ADAM28: variants seen among roughly 807,000 people sequenced by gnomAD.
The protein encoded by ADAM28 is ADAM metallopeptidase domain 28, also known as disintegrin and metalloproteinase domain-containing protein 28.
ADAM28 carries 105 observed loss-of-function variants against 101.2 expected under a neutral mutation model. The ratio of observed to expected loss-of-function variants is 1.04; its 90% CI spans 0.89 to 1.22. The LOEUF is 1.22. Among genes scored for constraint, ADAM28 ranks in the 50% most tolerant of loss-of-function variants. ADAM28 has a pLI of 0.00. For missense variants in ADAM28, 1,028 were observed against 945.4 expected (o/e 1.09, Z -1.15); for synonymous variants, 322 against 310.6 (o/e 1.04, Z -0.39).
chr8:24,326,434 T>C, intron 9 of ADAM28, 120 bp from the exon 10 acceptor site: 1 of 859,822 alleles, frequency 1.2e-6, no homozygotes, highest in Admixed American at 2.7e-5. Context: ...TAAAGAAAAA[T>C]ATGACAGTGA....
In ADAM28 at chr8:24,300,051, A is replaced by C; in HGVS notation, c.124A>C (p.Arg42=). The change falls in exon 2 of 23, where the codon AGA becomes CGA. Residue 42 remains arginine (R), a synonymous_variant. Coordinates refer to ENST00000265769, the MANE Select transcript of ADAM28 (RefSeq NM_014265.6). ...TATAAGACTTCATCCACTGCATAAAAGAGAGGCCAAAGAGCCAGAGCAACA... is the reference window on the plus strand; with the variant it reads ...TATAAGACTTCATCCACTGCATAAACGAGAGGCCAAAGAGCCAGAGCAACA... ...YPIRLHPLHK[R]EAKEPEQQEQ... The C allele has an allele frequency of 3.1e-6, 5 of 1,613,800 alleles. No individual in the cohort carries two copies. The highest frequency in any genetic ancestry group is 4.2e-6 in the Non-Finnish European group (5 of 1,179,992).
At chr8:24,302,546 C>T (rs1182220167) in intron 2 of ADAM28, among the ~76,000 whole-genome samples, 2 of 152,218 alleles carry the variant, frequency 1.3e-5, no homozygotes, top group Admixed American at 6.5e-5. Flanking sequence ...AACTAAATTA[C>T]GTTCCCACCA....
At chr8:24,299,632 C>T (rs1461633234) in intron 1 of ADAM28, among the ~76,000 whole-genome samples, 1 of 152,210 alleles carries the variant, frequency 6.6e-6, no homozygotes, top group African/African-American at 2.4e-5. Context: ...CTTCTATCTT[C>T]ACTTCTTTTT....
At chr8:24,306,357 T>TATATATATATATATATATATATTTTTA (rs1157755290) in intron 2 of ADAM28, among the ~76,000 whole-genome samples, 2 of 118,700 alleles carry the variant, frequency 1.7e-5, no homozygotes, top group African/African-American at 6.8e-5. Flanking sequence ...TACAAATAAA[T>TATATATATATATATATATATATTTTTA]AAATAAATAT....
chr8:24,354,132 C>T (rs912812393), intron 22 of ADAM28, among the ~76,000 whole-genome samples: 5 of 151,992 alleles, frequency 3.3e-5, no homozygotes, highest in African/African-American at 1.2e-4. Flanking sequence ...TATCCTGTAA[C>T]TCTCCTTCTG....
At chr8:24,327,702 G>A (rs1346544847) in intron 10 of ADAM28, among the ~76,000 whole-genome samples, 3 of 151,996 alleles carry the variant, frequency 2.0e-5, no homozygotes, top group African/African-American at 7.2e-5. Context: ...TAGACCAATG[G>A]AACAGAACAG....
chr8:24,313,625 C>A, intron 6 of ADAM28, 45 bp downstream of exon 6: 1 of 1,573,954 alleles, frequency 6.4e-7, no homozygotes, highest in Non-Finnish European at 8.6e-7. Context: ...TGTATTCTGC[C>A]CTGGTTTCCA....
intron 9 of ADAM28, among the ~76,000 whole-genome samples, chr8:24,324,615 C>T (rs571650673): frequency 2.6e-5 from 4 of 151,956 alleles, no homozygotes; most frequent in Non-Finnish European, 5.9e-5. Context: ...TGAACTATGT[C>T]CTGCCAGAAT....
intron 2 of ADAM28, 118 bp from the exon 3 acceptor site, chr8:24,309,776 T>C (rs2292398): frequency 0.17 from 114,580 of 692,862 alleles, 10,570 homozygotes; most frequent in East Asian, 0.34. Context: ...AAGAGGCAAG[T>C]ATTTGGTATT....
At chr8:24,351,645 A>T (rs1282224898) in intron 20 of ADAM28, 1 of 468,000 alleles carries the variant, frequency 2.1e-6, no homozygotes, top group Non-Finnish European at 3.9e-6. Flanking sequence ...GACAAAATAG[A>T]TACAAAAATA....
At chr8:24,319,860 A>T (rs1254339009) in intron 6 of ADAM28, among the ~76,000 whole-genome samples, 1 of 151,994 alleles carries the variant, frequency 6.6e-6, no homozygotes. Flanking sequence ...AGAAAACAAA[A>T]AAACAAACTG....
rs1275902940 is a variant in ADAM28 at position 24,352,057 on chromosome 8, G to A, written c.2244+5G>A. The A allele has an allele frequency of 4.3e-6, 7 of 1,613,466 alleles. No homozygotes were observed. The highest frequency in any genetic ancestry group is 5.1e-6 in the Non-Finnish European group (6 of 1,179,544). On this transcript the variant is annotated splice_donor_5th_base_variant and intron_variant, in intron 21 of 22. Transcript: ENST00000265769. ...AATGAGCCCCCAGCCTCTTTTGTGA[G>A]TTAGCAACTTCTCTTAAATACCACC...
intron 14 of ADAM28, among the ~76,000 whole-genome samples, chr8:24,336,580 CAAAAAA>C (rs769016133): frequency 9.7e-5 from 6 of 61,630 alleles, no homozygotes; most frequent in Admixed American, 3.9e-4. Context: ...ACTCCGTCTC[CAAAAAA>C]AAAAAAAAAA....
chr8:24,345,351 G>C (rs1156986852), intron 18 of ADAM28, among the ~76,000 whole-genome samples: 1 of 151,982 alleles, frequency 6.6e-6, no homozygotes, highest in Non-Finnish European at 1.5e-5. Context: ...TATCTCCACT[G>C]TGTGATCTCC....
chr8:24,299,558 A>G (rs539370258), intron 1 of ADAM28, among the ~76,000 whole-genome samples: 68 of 152,308 alleles, frequency 4.5e-4, no homozygotes, highest in Admixed American at 4.1e-3. Flanking sequence ...CTAACATTGT[A>G]TGGTTTCCAG....
chr8:24,331,314 G>T lies in ADAM28; in HGVS notation c.1268G>T (p.Cys423Phe), dbSNP rs530019867. 6.2e-6 allele frequency: 10 copies of T among 1,606,936 alleles called. No individual in the cohort carries two copies. Among genetic ancestry groups the T allele is most frequent in the Non-Finnish European group, 8.5e-6 (10 of 1,177,012 alleles). ...GTGGAAATGGGAGAGGACTGTGATT[G>T]TGGGACATCTGAGGTATGGCCAATC... ...QLVEMGEDCDCGTSEECTNIC... is the reference protein window; with the variant it reads ...QLVEMGEDCDFGTSEECTNIC... Residue 423 changes from cysteine (C) to phenylalanine (F), a missense_variant, in exon 12 of 23, where the codon TGT (cysteine) becomes TTT (phenylalanine). Cys to Phe is a radical substitution (Grantham distance 205, BLOSUM62 -2). Coordinates refer to ENST00000265769, the MANE Select transcript of ADAM28 (RefSeq NM_014265.6).
In ADAM28 at chr8:24,309,919, A is replaced by T. The variant is rs200921474; in HGVS notation, c.176A>T (p.Tyr59Phe). 13 of 1,561,384 alleles carry T rather than the reference A, an allele frequency of 8.3e-6. No individual in the cohort carries two copies. In the East Asian group the frequency reaches 2.9e-4, roughly 35 times the overall value. The change falls in exon 3 of 23, where the codon TAT (tyrosine) becomes TTT (phenylalanine). Residue 59 changes from tyrosine (Y) to phenylalanine (F), a missense_variant. Coordinates refer to ENST00000265769, the MANE Select transcript of ADAM28 (RefSeq NM_014265.6). ...QQEQFETELK[Y>F]KMTINGKIAV... ...GAACAATTTGAAACTGAATTAAAGTATAAAATGACAATTAATGGAAAAATT... is the reference window on the plus strand; with the variant it reads ...GAACAATTTGAAACTGAATTAAAGTTTAAAATGACAATTAATGGAAAAATT...
At chr8:24,314,129 A>C (rs183373118) in intron 6 of ADAM28, among the ~76,000 whole-genome samples, 1 of 152,354 alleles carries the variant, frequency 6.6e-6, no homozygotes, top group East Asian at 1.9e-4. Flanking sequence ...CTCTAGAAGC[A>C]GGAATCTGTC....
intron 6 of ADAM28, among the ~76,000 whole-genome samples, chr8:24,317,913 T>C (rs1164224095): frequency 1.3e-5 from 2 of 151,892 alleles, no homozygotes; most frequent in Non-Finnish European, 1.5e-5. Flanking sequence ...ATGAGGACTG[T>C]TAAGGACAAA....
Sources: gnomAD v4.1 joint callset for allele counts (sites outside exome capture counted in the v4.1 genomes callset) on GRCh38, gnomAD v4.1.1 for gene constraint, MANE v1.5 for transcripts, NCBI Gene and HGNC (gene_info 2026-07-23, HGNC 2026-07-21) for gene names.